The following COL19A1 variants were observed in gnomAD, a reference collection of about 807,000 sequenced individuals.
COL19A1 encodes collagen type XIX alpha 1 chain, also known as collagen alpha-1(XIX) chain.
In COL19A1, 159 loss-of-function variants were observed where a neutral mutation model predicts 190.2. That is an observed-to-expected ratio of 0.84 (90% CI 0.73 to 0.95). COL19A1 has a LOEUF of 0.95. COL19A1 is among the 40% of genes least tolerant of loss of function. The pLI is 0.00. For synonymous variants in COL19A1, 509 were observed against 458.9 expected, an observed-to-expected ratio of 1.11 and a Z score of -1.39; for missense variants, 1,418 against 1,431.9, an observed-to-expected ratio of 0.99 and a Z score of 0.16.
chr6:70,024,638 G>T (rs547432441), intron 12 of COL19A1, among the ~76,000 whole-genome samples: 34 of 149,838 alleles, frequency 2.3e-4, no homozygotes, highest in African/African-American at 7.7e-4. Context: ...TGTGTGTGTG[G>T]AGTCTCCCAA....
intron 11 of COL19A1, among the ~76,000 whole-genome samples, chr6:69,981,950 T>C (rs987126042): frequency 3.3e-5 from 5 of 152,066 alleles, no homozygotes; most frequent in Non-Finnish European, 7.4e-5. Context: ...GGATTAAAGA[T>C]AGGAAAAGCA....
chr6:70,036,696 C>G (rs1200785964), intron 14 of COL19A1, among the ~76,000 whole-genome samples: 3 of 151,812 alleles, frequency 2.0e-5, no homozygotes, highest in Non-Finnish European at 4.4e-5. Context: ...CTTCTATAGC[C>G]TGAAGTCTTT....
intron 11 of COL19A1, among the ~76,000 whole-genome samples, chr6:69,995,965 T>C (rs1776880111): frequency 6.6e-6 from 1 of 152,174 alleles, no homozygotes; most frequent in African/African-American, 2.4e-5. Context: ...ATTTGTGACA[T>C]AGCAAGTAGG....
intron 15 of COL19A1, among the ~76,000 whole-genome samples, chr6:70,101,854 A>G (rs115444506): frequency 0.029 from 4,430 of 152,286 alleles, 211 homozygotes; most frequent in African/African-American, 0.098. Context: ...CCACAGAATC[A>G]TCAGATAAAA....
chr6:69,916,191 C>G (rs1175865874), intron 4 of COL19A1, among the ~76,000 whole-genome samples: 1 of 152,164 alleles, frequency 6.6e-6, no homozygotes, highest in Non-Finnish European at 1.5e-5. Context: ...CCGCCTCGGC[C>G]TCCCAAAGTG....
At chr6:69,886,845 A>C (rs1768979609) in intron 2 of COL19A1, among the ~76,000 whole-genome samples, 1 of 152,218 alleles carries the variant, frequency 6.6e-6, no homozygotes, top group Non-Finnish European at 1.5e-5. Flanking sequence ...ACCTTGTGAT[A>C]GCTATTTCCA....
intron 11 of COL19A1, among the ~76,000 whole-genome samples, chr6:70,019,967 G>T (rs970120837): frequency 5.9e-5 from 9 of 151,968 alleles, no homozygotes; most frequent in Admixed American, 3.3e-4. Flanking sequence ...TGAATACATA[G>T]ATATCAATAC....
intron 9 of COL19A1, among the ~76,000 whole-genome samples, chr6:69,949,414 A>G (rs1037185718): frequency 2.6e-5 from 4 of 151,886 alleles, no homozygotes; most frequent in African/African-American, 4.8e-5. Context: ...TCTCGCTTCT[A>G]TAATCCACAG....
chr6:70,177,640 T>C (rs1765898712), intron 42 of COL19A1, among the ~76,000 whole-genome samples: 1 of 152,256 alleles, frequency 6.6e-6, no homozygotes, highest in South Asian at 2.1e-4. Context: ...AAAGGAAGTA[T>C]TCTTGAAAGT....
intron 14 of COL19A1, among the ~76,000 whole-genome samples, chr6:70,063,048 C>T (rs1780942618): frequency 6.6e-6 from 1 of 152,138 alleles, no homozygotes; most frequent in South Asian, 2.1e-4. Flanking sequence ...TTTAACACCC[C>T]ACTGTCAACA....
intron 11 of COL19A1, among the ~76,000 whole-genome samples, chr6:69,994,475 G>T (rs1340210216): frequency 6.6e-6 from 1 of 152,120 alleles, no homozygotes; most frequent in African/African-American, 2.4e-5. Flanking sequence ...TTTCTTTCTA[G>T]ATCTGTCATT....
intron 9 of COL19A1, among the ~76,000 whole-genome samples, chr6:69,938,462 T>G (rs1773252615): frequency 6.6e-6 from 1 of 152,004 alleles, no homozygotes; most frequent in South Asian, 2.1e-4. Context: ...TTTTGATACA[T>G]CCCCACCAGA....
At chr6:70,113,550 CTATATT>C (rs1258974427) in intron 16 of COL19A1, among the ~76,000 whole-genome samples, 1 of 152,166 alleles carries the variant, frequency 6.6e-6, no homozygotes, top group Non-Finnish European at 1.5e-5. Context: ...CCTCCTTTGA[CTATATT>C]TATTTTTTCT....
rs544674254 is a variant in COL19A1 at position 70,193,829 on chromosome 6, A to G, written c.3094+3448A>G. On this transcript the variant is annotated intron_variant, in intron 48 of 50. Transcript: ENST00000620364. ...TTCAATTCACTCCATTTAATTTTCC[A>G]CTTAGAAATCACTTTTTCCATGGCT... Among the ~76,000 whole-genome samples the G allele has an allele frequency of 4.6e-5, 7 of 152,290 alleles. No homozygotes were observed. The South Asian group carries it at 1.2e-3, about 27-fold the overall frequency.
intron 14 of COL19A1, among the ~76,000 whole-genome samples, chr6:70,062,309 G>A (rs1780886458): frequency 6.6e-6 from 1 of 152,028 alleles, no homozygotes; most frequent in South Asian, 2.1e-4. Flanking sequence ...AAAGCCATCT[G>A]ATTTAAAAAT....
chr6:69,952,292 C>T (rs572121604), intron 9 of COL19A1, among the ~76,000 whole-genome samples: 182 of 151,882 alleles, frequency 1.2e-3, no homozygotes, highest in African/African-American at 4.0e-3. Context: ...AAACATTCCG[C>T]GCTTGACTCT....
chr6:69,986,491 G>A (rs1026670706), intron 11 of COL19A1, among the ~76,000 whole-genome samples: 7 of 151,926 alleles, frequency 4.6e-5, no homozygotes, highest in African/African-American at 1.2e-4. Flanking sequence ...TGATCCCCTG[G>A]ATCAGAAGTC....
At chr6:70,088,032 A>G (rs1376483997) in intron 15 of COL19A1, among the ~76,000 whole-genome samples, 1 of 152,144 alleles carries the variant, frequency 6.6e-6, no homozygotes, top group Non-Finnish European at 1.5e-5. Context: ...GCCACCTTCT[A>G]CGTGCCCCTA....
chr6:70,010,918 A>G (rs1053403164), intron 11 of COL19A1, among the ~76,000 whole-genome samples: 1 of 83,426 alleles, frequency 1.2e-5, no homozygotes, highest in Non-Finnish European at 2.1e-5. Context: ...GGCACAGACA[A>G]ACAAAAAGAC....
Sources: allele counts gnomAD v4.1 joint callset (sites outside exome capture counted in the v4.1 genomes callset), GRCh38; gene constraint gnomAD v4.1.1; transcripts MANE v1.5; gene names NCBI Gene and HGNC (gene_info 2026-07-23, HGNC 2026-07-21).